PRKG2: variants seen among roughly 807,000 people sequenced by gnomAD.
PRKG2 encodes cGMP-dependent protein kinase 2.
Under a neutral mutation model 97.2 loss-of-function variants are expected in PRKG2, and 33 were observed. The ratio of observed to expected loss-of-function variants is 0.34; its 90% CI spans 0.26 to 0.45. The LOEUF is 0.45. PRKG2 is among the 20% of genes least tolerant of loss of function. PRKG2 has a pLI of 1.00. For synonymous variants in PRKG2, 330 were observed against 321.8 expected, an observed-to-expected ratio of 1.03 and a Z score of -0.27; for missense variants, 638 against 900.0, an observed-to-expected ratio of 0.71 and a Z score of 3.73.
chr4:81,186,097 T>C (rs986633213), intron 2 of PRKG2, among the ~76,000 whole-genome samples: 13 of 152,134 alleles, frequency 8.5e-5, no homozygotes, highest in Non-Finnish European at 1.6e-4. Flanking sequence ...ATTCAGGACT[T>C]GATTCAGCTC....
intron 14 of PRKG2, among the ~76,000 whole-genome samples, chr4:81,128,692 T>C (rs905238252): frequency 3.0e-4 from 46 of 152,200 alleles, no homozygotes; most frequent in Non-Finnish European, 5.6e-4. Flanking sequence ...TATCATTTTT[T>C]ACTGTGTCTA....
chr4:81,131,763 CATGTTT>C (rs1302514797), intron 14 of PRKG2, among the ~76,000 whole-genome samples: 43 of 152,234 alleles, frequency 2.8e-4, no homozygotes, highest in Non-Finnish European at 5.1e-4. Context: ...GCTGACTGTA[CATGTTT>C]ATTTCTGGAC....
At chr4:81,136,486 G>A (rs146896596) in intron 13 of PRKG2, among the ~76,000 whole-genome samples, 5 of 152,100 alleles carry the variant, frequency 3.3e-5, no homozygotes, top group African/African-American at 4.8e-5. Flanking sequence ...ACAATCTAAC[G>A]CCAACCCACG....
At chr4:81,101,168 G>A (rs1742717332) in intron 17 of PRKG2, among the ~76,000 whole-genome samples, 1 of 151,670 alleles carries the variant, frequency 6.6e-6, no homozygotes, top group Non-Finnish European at 1.5e-5. Flanking sequence ...TGATTCCTCA[G>A]GGATCTAGAA....
At chr4:81,162,529 C>A (rs1185774282) in intron 6 of PRKG2, among the ~76,000 whole-genome samples, 1 of 152,144 alleles carries the variant, frequency 6.6e-6, no homozygotes, top group Non-Finnish European at 1.5e-5. Context: ...TCCCAAATGA[C>A]TGTGTGGAGC....
intron 14 of PRKG2, among the ~76,000 whole-genome samples, chr4:81,117,357 C>CCAT (rs1237580159): frequency 6.6e-6 from 1 of 151,948 alleles, no homozygotes; most frequent in Non-Finnish European, 1.5e-5. Context: ...ACTTTTCAAT[C>CCAT]CATCTTTTAA....
chr4:81,176,880 T>C (rs1472259904), intron 2 of PRKG2, among the ~76,000 whole-genome samples: 1 of 152,028 alleles, frequency 6.6e-6, no homozygotes, highest in Non-Finnish European at 1.5e-5. Context: ...AAGACTCTTT[T>C]GTCCATAGAA....
chr4:81,176,966 A>T (rs775790828), intron 2 of PRKG2, among the ~76,000 whole-genome samples: 6 of 152,088 alleles, frequency 3.9e-5, no homozygotes, highest in Non-Finnish European at 5.9e-5. Context: ...TCTAGTACTT[A>T]CTCCCTAAAA....
At chr4:81,191,070 C>T (rs1029910032) in intron 2 of PRKG2, among the ~76,000 whole-genome samples, 5 of 152,060 alleles carry the variant, frequency 3.3e-5, no homozygotes, top group African/African-American at 1.2e-4. Context: ...TGACCCAGCA[C>T]ACCCATTACT....
At chr4:81,139,807 A>G (rs977340475) in intron 12 of PRKG2, among the ~76,000 whole-genome samples, 1 of 151,742 alleles carries the variant, frequency 6.6e-6, no homozygotes, top group African/African-American at 2.4e-5. Context: ...AAAAGAATCA[A>G]AACAACTGGA....
intron 8 of PRKG2, among the ~76,000 whole-genome samples, chr4:81,150,214 A>C (rs184079866): frequency 4.6e-5 from 7 of 152,282 alleles, no homozygotes; most frequent in Non-Finnish European, 1.0e-4. Context: ...TAGAGAAAGG[A>C]AAGGCATATG....
At chr4:81,109,366 A>C (rs1743680122) in intron 15 of PRKG2, among the ~76,000 whole-genome samples, 1 of 152,220 alleles carries the variant, frequency 6.6e-6, no homozygotes, top group Admixed American at 6.5e-5. Context: ...CCAAATGCAA[A>C]TCCTCTCTGA....
chr4:81,115,909 C>A (rs1311250045), intron 14 of PRKG2, among the ~76,000 whole-genome samples: 1 of 152,130 alleles, frequency 6.6e-6, no homozygotes, highest in African/African-American at 2.4e-5. Flanking sequence ...TATTTCCGTG[C>A]TTTTTGTAAA....
chr4:81,172,867 G>A (rs148676929), intron 3 of PRKG2, among the ~76,000 whole-genome samples: 1 of 152,110 alleles, frequency 6.6e-6, no homozygotes, highest in East Asian at 1.9e-4. Context: ...GCCATAGAGA[G>A]GACAAAAGAG....
At chr4:81,150,311 C>T (rs1469916679) in intron 8 of PRKG2, among the ~76,000 whole-genome samples, 1 of 152,124 alleles carries the variant, frequency 6.6e-6, no homozygotes, top group African/African-American at 2.4e-5. Context: ...TGCAAATACA[C>T]TTATGTTTCT....
At chr4:81,168,499 A>G (rs948362109) in intron 5 of PRKG2, among the ~76,000 whole-genome samples, 2 of 152,120 alleles carry the variant, frequency 1.3e-5, no homozygotes, top group African/African-American at 4.8e-5. Flanking sequence ...AGACATTCAA[A>G]TACAACCCAG....
chr4:81,154,658 A>G (rs1326603122), intron 6 of PRKG2, among the ~76,000 whole-genome samples: 2 of 151,822 alleles, frequency 1.3e-5, no homozygotes, highest in African/African-American at 4.9e-5. Context: ...ATAAAACCAC[A>G]AAGATGGGGA....
At chr4:81,099,075 T>C (rs1742431045) in intron 17 of PRKG2, among the ~76,000 whole-genome samples, 1 of 152,212 alleles carries the variant, frequency 6.6e-6, no homozygotes, top group African/African-American at 2.4e-5. Flanking sequence ...CTTACAAGTA[T>C]ATCAGCCTTC....
chr4:81,124,667 G>A (rs1249350234), intron 14 of PRKG2, among the ~76,000 whole-genome samples: 1 of 152,122 alleles, frequency 6.6e-6, no homozygotes, highest in Non-Finnish European at 1.5e-5. Context: ...GAGTCACCTT[G>A]GATTCGGTTC....
Sources: allele counts gnomAD v4.1 joint callset (sites outside exome capture counted in the v4.1 genomes callset), GRCh38; gene constraint gnomAD v4.1.1; transcripts MANE v1.5; gene names NCBI Gene and HGNC (gene_info 2026-07-23, HGNC 2026-07-21).